The following DRAP1 variants were observed in gnomAD, a reference collection of about 807,000 sequenced individuals.
DRAP1 encodes DR1 associated protein 1.
In DRAP1, 10 loss-of-function variants were observed where a neutral mutation model predicts 24.1. The ratio of observed to expected loss-of-function variants is 0.41; its 90% CI spans 0.26 to 0.70. The LOEUF (loss-of-function observed/expected upper bound fraction) is 0.70. Among genes scored for constraint, DRAP1 ranks in the 30% least tolerant of loss-of-function variants. DRAP1 has a pLI of 0.29. For missense variants in DRAP1, 264 were observed against 275.6 expected, an observed-to-expected ratio of 0.96 and a Z score of 0.30; for synonymous variants, 122 against 113.8, an observed-to-expected ratio of 1.07 and a Z score of -0.46.
At position 65,919,519 on chromosome 11, in the gene DRAP1, G is replaced by A. The variant is rs1487328715; in HGVS notation, c.18G>A (p.Lys6=). The change falls in exon 1 of 7, where the codon AAG becomes AAA. Residue 6 remains lysine, a synonymous_variant. Transcript: ENST00000312515. MPSKK[K]KYNARFPPAR... The stretch of plus-strand genomic sequence containing the variant: ...GCCCCGAGATGCCGAGCAAGAAGAA[G>A]AAGTACAACGCGCGGTTCCCGCCGG... 1.3e-6 allele frequency: 2 copies of A among 1,545,976 alleles called. No homozygotes were observed. The highest frequency in any genetic ancestry group is 1.7e-6 in the Non-Finnish European group (2 of 1,145,180).
intron 1 of DRAP1, 40 bp downstream of exon 1, chr11:65,919,583 C>T (rs1319697263): frequency 6.5e-7 from 1 of 1,547,978 alleles, no homozygotes; most frequent in East Asian, 2.5e-5. Context: ...GGGCCCGGCT[C>T]CCGGGTGGCT....
intron 6 of DRAP1, 75 bp downstream of exon 6, chr11:65,921,047 C>T (rs1477336659): frequency 1.5e-5 from 18 of 1,170,300 alleles, no homozygotes; most frequent in Non-Finnish European, 2.1e-5. Flanking sequence ...TCTCCCTGGC[C>T]CCTTGGTCTT....
rs777241976 is a variant in DRAP1 at position 65,921,403 on chromosome 11, G to A, written c.586G>A (p.Asp196Asn). 12 of 1,610,800 alleles carry A rather than the reference G, an allele frequency of 7.4e-6. No individual in the cohort carries two copies. The highest frequency in any genetic ancestry group is 1.0e-5 in the Non-Finnish European group (12 of 1,177,260). ...PPAPPGPSAP[D>N]EEDEEDYDS ...AGCGCCCCCGGGCCCCTCAGCACCTGATGAAGAGGACGAAGAAGATTACGA... is the reference window on the plus strand; with the variant it reads ...AGCGCCCCCGGGCCCCTCAGCACCTAATGAAGAGGACGAAGAAGATTACGA... The change falls in exon 7 of 7, where the codon GAT becomes AAT. Residue 196 changes from aspartate to asparagine, a missense_variant. By Grantham distance (23) the Asp-to-Asn change is conservative. Around this residue, in one of 2 missense-constraint regions of DRAP1, gnomAD observed 243 missense variants for 233.6 expected, o/e 1.04. Coordinates refer to ENST00000312515, the MANE Select transcript of DRAP1 (RefSeq NM_006442.4).
rs200928475 is a variant in DRAP1, at chr11:65,921,450, C to A, written c.*15C>A. On this transcript the variant is annotated 3_prime_UTR_variant, in exon 7 of 7. Transcript: ENST00000312515. ...ACGACTCCTAGCGCCTTCTGCCCCCCAGACCATAGCCCCTTTTAGTTGGTT... is the reference window on the plus strand; with the variant it reads ...ACGACTCCTAGCGCCTTCTGCCCCCAAGACCATAGCCCCTTTTAGTTGGTT... 5.0e-6 allele frequency: 7 copies of A among 1,394,324 alleles called. No homozygotes were observed. The East Asian group carries it at 1.1e-4, about 23-fold the overall frequency. The allele number at this position is 1,394,324 out of a possible 1,614,324, so 86.4% of individuals were successfully genotyped here.
At position 65,921,332 on chromosome 11, in the gene DRAP1, C is replaced by T. The variant is rs1854547787; in HGVS notation, c.515C>T (p.Pro172Leu). 1.3e-6 allele frequency: 2 copies of T among 1,591,360 alleles called. No homozygotes were observed. Among genetic ancestry groups the T allele is most frequent in the Admixed American group, 1.7e-5 (1 of 59,510 alleles). ...ASHPSAHFQS[P>L]PTPFLPFAST... Reference sequence around the variant, plus strand: ...CTCTCCTGCCTTCTGCCCTGCAGCCCCCCGACACCCTTCCTGCCCTTCGCC... The same window carrying T: ...CTCTCCTGCCTTCTGCCCTGCAGCCTCCCGACACCCTTCCTGCCCTTCGCC... Residue 172 changes from proline (P) to leucine (L), a missense_variant and splice_region_variant, in exon 7 of 7, where the codon CCC (proline) becomes CTC (leucine). By Grantham distance (98) the Pro-to-Leu change is moderately conservative (BLOSUM62 -3). Coordinates refer to ENST00000312515, the MANE Select transcript of DRAP1 (RefSeq NM_006442.4).
chr11:65,921,491 G>A lies in DRAP1; in HGVS notation c.*56G>A. ...TTAGTTGGTTTTAGTTGCTCTGGGG[G>A]GAGGAGAGAAGGTAGAGCTGTTCTT... On this transcript the variant is annotated 3_prime_UTR_variant, in exon 7 of 7. Transcript: ENST00000312515. The A allele has an allele frequency of 2.4e-6, 2 of 821,430 alleles. No homozygotes were observed. The highest frequency in any genetic ancestry group is 4.0e-6 in the Non-Finnish European group (2 of 497,112). 50.9% of individuals were successfully genotyped at this position (821,430 alleles called of 1,614,324 possible).
Position 65,921,433 on chromosome 11 carries a change from T to C in DRAP1, c.616T>C (p.Ter206GlnextTer8). The change falls in exon 7 of 7, where the codon TAG becomes CAG. Residue 206 changes from the stop codon to glutamine (Q), a stop_lost. Transcript: ENST00000312515. ...AGAGGACGAAGAAGATTACGACTCC[T>C]AGCGCCTTCTGCCCCCCAGACCATA... ...DEEDEEDYDS[*>Q] 1 of 1,585,584 alleles carries C rather than the reference T, an allele frequency of 6.3e-7. No homozygotes were observed. Among genetic ancestry groups the C allele is most frequent in the Non-Finnish European group, 8.7e-7 (1 of 1,154,674 alleles).
chr11:65,920,921 A>C lies in DRAP1; in HGVS notation c.461A>C (p.Glu154Ala), dbSNP rs762216373. Reference sequence around the variant, plus strand: ...GACACAGATACTGATGGGGAAGAGGAGACATCACAACCCCCACCCCAGGCC... The same window carrying C: ...GACACAGATACTGATGGGGAAGAGGCGACATCACAACCCCCACCCCAGGCC... ...SEDTDTDGEE[E>A]TSQPPPQASH... The change falls in exon 6 of 7, where the codon GAG becomes GCG. Residue 154 changes from glutamate to alanine, a missense_variant. Coordinates refer to ENST00000312515, the MANE Select transcript of DRAP1 (RefSeq NM_006442.4). 1 of 1,613,484 alleles carries C rather than the reference A, an allele frequency of 6.2e-7. No homozygotes were observed. The highest frequency in any genetic ancestry group is 1.7e-5 in the Admixed American group (1 of 59,890).
rs751570365 is a variant in DRAP1, at chr11:65,921,329, G to GC, written c.518dup (p.Thr174AspfsTer23). 1.9e-6 allele frequency: 3 copies of GC among 1,585,048 alleles called. No homozygotes were observed. Among genetic ancestry groups the GC allele is most frequent in the Non-Finnish European group, 2.6e-6 (3 of 1,154,968 alleles). ...ACTCTCTCCTGCCTTCTGCCCTGCA[G>GC]CCCCCCGACACCCTTCCTGCCCTTC... On this transcript the variant is annotated frameshift_variant and splice_region_variant. Transcript: ENST00000312515. LOFTEE classifies it high-confidence loss of function.
In DRAP1 at chr11:65,921,396, A is replaced by C; in HGVS notation, c.579A>C (p.Ser193=). 6.2e-7 allele frequency: 1 copy of C among 1,611,294 alleles called. No individual in the cohort carries two copies. The highest frequency in any genetic ancestry group is 8.5e-7 in the Non-Finnish European group (1 of 1,177,672). ...LPLPPAPPGP[S]APDEEDEEDY... is the part of the protein sequence containing the mutation. Reference sequence around the variant, plus strand: ...TGCCCCCAGCGCCCCCGGGCCCCTCAGCACCTGATGAAGAGGACGAAGAAG... The same window carrying C: ...TGCCCCCAGCGCCCCCGGGCCCCTCCGCACCTGATGAAGAGGACGAAGAAG... The change falls in exon 7 of 7, where the codon TCA becomes TCC. Residue 193 remains serine (S), a synonymous_variant. Transcript: ENST00000312515.
intron 5 of DRAP1, 35 bp downstream of exon 5, chr11:65,920,697 G>T (rs746759850): frequency 6.8e-7 from 1 of 1,465,002 alleles, no homozygotes; most frequent in African/African-American, 1.4e-5. Context: ...CCTGCCCTTG[G>T]TGATGGGACA....
Position 65,920,257 on chromosome 11 carries a change from G to T in DRAP1, c.210-86G>T. 7 of 1,587,462 alleles carry T rather than the reference G, an allele frequency of 4.4e-6. No individual in the cohort carries two copies. The South Asian group carries it at 8.0e-5, about 18-fold the overall frequency. ...CGGAGATCGGCCCGGGCTCCAGCCT[G>T]ACATCTGGGGCCCCTTGCTGCCACC... is the stretch of plus-strand genomic sequence containing the variant. On this transcript the variant is annotated intron_variant, in intron 3 of 6. Transcript: ENST00000312515.
chr11:65,920,337 T>G lies in DRAP1; in HGVS notation c.210-6T>G. The G allele has an allele frequency of 1.9e-6, 3 of 1,613,998 alleles. No homozygotes were observed. Among genetic ancestry groups the G allele is most frequent in the Non-Finnish European group, 2.5e-6 (3 of 1,179,994 alleles). ...TTGAGTGCCAGCCCCTCCTCACCTC[T>G]TCCAGGAAGCAGTGCATCGAGCTGG... On this transcript the variant is annotated splice_polypyrimidine_tract_variant and splice_region_variant and intron_variant, in intron 3 of 6. Transcript: ENST00000312515.
At chr11:65,919,877 T>C in intron 2 of DRAP1, 25 bp downstream of exon 2, 3 of 1,613,096 alleles carry the variant, frequency 1.9e-6, no homozygotes, top group Non-Finnish European at 2.5e-6. Context: ...GCGGACCGGG[T>C]CGAGGGGCGT....
chr11:65,920,126 G>A, intron 3 of DRAP1, 85 bp downstream of exon 3: 2 of 1,530,396 alleles, frequency 1.3e-6, no homozygotes, highest in African/African-American at 1.4e-5. Flanking sequence ...GGTGGCGAGG[G>A]AGGTGGGCGG....
intron 3 of DRAP1, 132 bp downstream of exon 3, chr11:65,920,173 G>A: frequency 4.2e-6 from 6 of 1,418,026 alleles, no homozygotes; most frequent in Non-Finnish European, 4.8e-6. Context: ...ACTGGCAGAG[G>A]AGAGGCTGGG....
At chr11:65,921,296 C>G (rs1232304140) in intron 6 of DRAP1, 34 bp from the exon 7 acceptor site, 1 of 1,302,886 alleles carries the variant, frequency 7.7e-7, no homozygotes, top group African/African-American at 1.4e-5. Context: ...CGGTGGGGCT[C>G]AGGCCTGACT....
chr11:65,920,690 G>A, intron 5 of DRAP1, 28 bp downstream of exon 5: 2 of 1,468,022 alleles, frequency 1.4e-6, no homozygotes, highest in Non-Finnish European at 1.8e-6. Context: ...CCTTCGCCCT[G>A]CCCTTGGTGA....
chr11:65,921,201 G>GCCTT, intron 6 of DRAP1, 129 bp from the exon 7 acceptor site: 1 of 721,668 alleles, frequency 1.4e-6, no homozygotes, highest in Non-Finnish European at 2.3e-6. Flanking sequence ...GCTGCCCTGG[G>GCCTT]CCTTGGCCGC....
Sources: allele counts gnomAD v4.1 joint callset, GRCh38; gene constraint gnomAD v4.1.1; regional missense constraint gnomAD v4.1.1; transcripts MANE v1.5; gene names NCBI Gene and HGNC (gene_info 2026-07-23, HGNC 2026-07-21).